Variants in XXYLT1 observed in about 807,000 individuals in gnomAD.
XXYLT1 encodes the protein xyloside xylosyltransferase 1.
XXYLT1 carries 20 observed loss-of-function variants against 28.9 expected under a neutral mutation model. The observed-to-expected ratio is 0.69, with a 90% CI of 0.49 to 1.00. The LOEUF (loss-of-function observed/expected upper bound fraction) is 1.00, where lower values mean the gene tolerates loss of function less well. Among genes scored for constraint, XXYLT1 ranks in the 50% least tolerant of loss-of-function variants. The probability of loss-of-function intolerance (pLI) is 0.00; values close to 1 mark genes in which losing one functional copy is unlikely to be tolerated. For synonymous variants in XXYLT1, 257 were observed against 253.8 expected (o/e 1.01, Z -0.12); for missense variants, 542 against 560.1 (o/e 0.97, Z 0.33).
intron 2 of XXYLT1, among the ~76,000 whole-genome samples, chr3:195,156,921 C>A (rs896108605): frequency 1.3e-5 from 2 of 152,192 alleles, no homozygotes; most frequent in South Asian, 4.2e-4. Flanking sequence ...TTGGATGATA[C>A]CTTATGTGGA....
At chr3:195,101,022 C>T (rs1034488338) in intron 3 of XXYLT1, among the ~76,000 whole-genome samples, 5 of 152,272 alleles carry the variant, frequency 3.3e-5, no homozygotes, top group African/African-American at 9.6e-5. Flanking sequence ...TTCCACAGAG[C>T]GGCCCACAGC....
chr3:195,220,218 T>C (rs868532794), intron 2 of XXYLT1, among the ~76,000 whole-genome samples: 28 of 152,324 alleles, frequency 1.8e-4, no homozygotes, highest in African/African-American at 4.8e-4. Context: ...CTAGGCTCAC[T>C]GCAACCTCCG....
chr3:195,110,228 A>AGGT (rs1717472028), intron 3 of XXYLT1, among the ~76,000 whole-genome samples: 3 of 23,094 alleles, frequency 1.3e-4, no homozygotes, highest in East Asian at 6.6e-4. Flanking sequence ...GTGGTGTATA[A>AGGT]GTGTGTGGTG....
intron 1 of XXYLT1, chr3:195,270,192 T>C: frequency 1.9e-6 from 1 of 515,218 alleles, no homozygotes; most frequent in South Asian, 1.6e-5. Context: ...AGTCCCATCC[T>C]CAGAAGTCAA....
chr3:195,145,847 G>A (rs1719816111), intron 3 of XXYLT1, among the ~76,000 whole-genome samples: 2 of 152,202 alleles, frequency 1.3e-5, no homozygotes. Context: ...AGACGGCTGG[G>A]TTCCTGGATC....
chr3:195,252,729 G>GC (rs1725314994), intron 1 of XXYLT1, among the ~76,000 whole-genome samples: 1 of 94,708 alleles, frequency 1.1e-5, no homozygotes, highest in Admixed American at 1.2e-4. Flanking sequence ...CACACACACA[G>GC]AGAGAGAGAG....
At chr3:195,228,486 C>CTTTTTTTTTT (rs897820464) in intron 1 of XXYLT1, among the ~76,000 whole-genome samples, 1 of 120,158 alleles carries the variant, frequency 8.3e-6, no homozygotes, top group Admixed American at 9.0e-5. Context: ...CTATATTTCA[C>CTTTTTTTTTT]TTTTTTTTTT....
rs115434040 is a variant in XXYLT1, at chr3:195,081,329, C to T, written c.786-11218G>A. 3.2e-3 allele frequency among the ~76,000 whole-genome samples: 480 copies of T among 152,268 alleles called. 4 individuals are homozygous for T. Among genetic ancestry groups the T allele is most frequent in the African/African-American group, 0.011 (456 of 41,550 alleles). ...GGCATAGCAATTTGCAAAGTATACA[C>T]AGGTTCTATGCTAATACTTGTCCCG... On this transcript the variant is annotated intron_variant, in intron 3 of 3. Transcript: ENST00000310380.
chr3:195,223,155 C>T (rs948783294), intron 2 of XXYLT1, among the ~76,000 whole-genome samples: 4 of 151,938 alleles, frequency 2.6e-5, no homozygotes, highest in East Asian at 1.9e-4. Flanking sequence ...ATTGCTTGAA[C>T]CCGGGAAGCA....
chr3:195,074,270 G>A (rs907193766), intron 3 of XXYLT1, among the ~76,000 whole-genome samples: 4 of 152,218 alleles, frequency 2.6e-5, no homozygotes, highest in Non-Finnish European at 5.9e-5. Context: ...GGCAAAGAAG[G>A]CTCCATTTGA....
chr3:195,261,629 G>A (rs1450649301), intron 1 of XXYLT1, among the ~76,000 whole-genome samples: 4 of 152,118 alleles, frequency 2.6e-5, no homozygotes, highest in Non-Finnish European at 2.9e-5. Context: ...CATTTCTAGC[G>A]ATGTTGTAAC....
intron 3 of XXYLT1, among the ~76,000 whole-genome samples, chr3:195,139,321 G>T (rs527329439): frequency 2.6e-5 from 4 of 151,742 alleles, no homozygotes; most frequent in African/African-American, 9.8e-5. Flanking sequence ...CGAGCAGAGA[G>T]TCTGGCTAAG....
At chr3:195,206,853 G>A (rs552698720) in intron 2 of XXYLT1, among the ~76,000 whole-genome samples, 2 of 152,224 alleles carry the variant, frequency 1.3e-5, no homozygotes, top group African/African-American at 4.8e-5. Flanking sequence ...GGGGGAGAAG[G>A]CGATGGGTGG....
chr3:195,110,223 G>A (rs1241305513), intron 3 of XXYLT1, among the ~76,000 whole-genome samples: 15 of 47,378 alleles, frequency 3.2e-4, no homozygotes, highest in Non-Finnish European at 3.7e-4. Context: ...CGTGTGTGGT[G>A]TATAAGTGTG....
intron 3 of XXYLT1, chr3:195,153,805 T>C (rs960297593): frequency 6.6e-6 from 1 of 152,236 alleles, no homozygotes; most frequent in Non-Finnish European, 1.5e-5. Flanking sequence ...CTTGAAGGCA[T>C]TGGCGCTGTA....
chr3:195,254,948 C>T (rs1014372307), intron 1 of XXYLT1, among the ~76,000 whole-genome samples: 14 of 152,262 alleles, frequency 9.2e-5, no homozygotes, highest in Admixed American at 5.9e-4. Flanking sequence ...GGATCTAAAG[C>T]GGCCCATCTG....
Position 195,069,443 on chromosome 3 carries a change from A to C in XXYLT1, c.*272T>G, listed in dbSNP as rs1714669193. ...ACCCTTTCTCCCCTTCCTTCTCTTC[A>C]AGTGCTTGCTTCCCAGCCCACTGGA... On this transcript the variant is annotated 3_prime_UTR_variant, in exon 4 of 4. Transcript: ENST00000310380. 1 of 427,230 alleles carries C rather than the reference A, an allele frequency of 2.3e-6. No homozygotes were observed. Among genetic ancestry groups the C allele is most frequent in the Non-Finnish European group, 4.1e-6 (1 of 241,464 alleles). 26.5% of individuals were successfully genotyped at this position (427,230 alleles called of 1,614,324 possible). A position where few individuals can be genotyped will look rare whatever the true frequency, so the allele number is the denominator to read the frequency against.
chr3:195,131,341 G>T (rs917250217), intron 3 of XXYLT1, among the ~76,000 whole-genome samples: 3 of 152,256 alleles, frequency 2.0e-5, no homozygotes, highest in African/African-American at 4.8e-5. Flanking sequence ...GGATTTTTCA[G>T]TCCTAGCTCC....
intron 2 of XXYLT1, among the ~76,000 whole-genome samples, chr3:195,216,250 A>C (rs935750345): frequency 6.6e-6 from 1 of 151,230 alleles, no homozygotes; most frequent in African/African-American, 2.4e-5. Flanking sequence ...CAATTGAAAG[A>C]ACTAGAAAAG....
Sources: gnomAD v4.1 joint callset for allele counts (sites outside exome capture counted in the v4.1 genomes callset) on GRCh38, gnomAD v4.1.1 for gene constraint, MANE v1.5 for transcripts, NCBI Gene and HGNC (gene_info 2026-07-23, HGNC 2026-07-21) for gene names.